Variants in HHLA1 observed in about 807,000 individuals in gnomAD.
HHLA1 encodes the protein HERV-H LTR-associating protein 1.
A neutral mutation model predicts 69.9 loss-of-function variants in HHLA1; 72 were observed. The observed-to-expected ratio is 1.03, with a 90% confidence interval of 0.85 to 1.25. The LOEUF (loss-of-function observed/expected upper bound fraction) is 1.25. Among genes scored for constraint, HHLA1 ranks in the 50% most tolerant of loss-of-function variants. The probability of loss-of-function intolerance (pLI) is 0.00; values close to 1 mark genes in which losing one functional copy is unlikely to be tolerated. For missense variants in HHLA1, 685 were observed against 642.2 expected (o/e 1.07, Z -0.72); for synonymous variants, 252 against 233.2 (o/e 1.08, Z -0.73).
intron 3 of HHLA1, chr8:132,101,092 A>C: frequency 4.4e-6 from 6 of 1,370,844 alleles, no homozygotes; most frequent in Non-Finnish European, 4.8e-6. Flanking sequence ...AAAAATGACC[A>C]TTGCAACAAT....
At chr8:132,110,254 C>T (rs10505586) in intron 1 of HHLA1, among the ~76,000 whole-genome samples, 21,895 of 152,158 alleles carry the variant, frequency 0.14, 1,726 homozygotes, top group East Asian at 0.17. Flanking sequence ...TGAGGCATTA[C>T]GACGGTCCGT....
chr8:132,093,092 A>G (rs1192944914), intron 7 of HHLA1, among the ~76,000 whole-genome samples: 1 of 152,244 alleles, frequency 6.6e-6, no homozygotes, highest in African/African-American at 2.4e-5. Context: ...CTATATGTAG[A>G]GCAGGATGTC....
chr8:132,107,937 C>A (rs1293385807), intron 1 of HHLA1, among the ~76,000 whole-genome samples: 1 of 152,190 alleles, frequency 6.6e-6, no homozygotes, highest in East Asian at 1.9e-4. Flanking sequence ...AAGTCTGGAC[C>A]ACTCTGGGAC....
At chr8:132,093,459 A>C (rs1205998475) in intron 7 of HHLA1, among the ~76,000 whole-genome samples, 4 of 152,230 alleles carry the variant, frequency 2.6e-5, no homozygotes, top group Non-Finnish European at 4.4e-5. Flanking sequence ...AAAATGATCC[A>C]GATCTAAAGA....
chr8:132,110,794 T>G (rs2403735), intron 1 of HHLA1, among the ~76,000 whole-genome samples: 119,660 of 152,168 alleles, frequency 0.79, 47,766 homozygotes, highest in Middle Eastern at 0.94. Context: ...GGCTTTGGAT[T>G]AAAGATTATG....
chr8:132,077,575 A>G, intron 12 of HHLA1, 151 bp downstream of exon 12: 1 of 768,930 alleles, frequency 1.3e-6, no homozygotes, highest in East Asian at 2.7e-5. Context: ...AGGGCAAAGG[A>G]AAGGAGAAGG....
chr8:132,069,115 A>C (rs1823487775), intron 15 of HHLA1, among the ~76,000 whole-genome samples: 1 of 152,118 alleles, frequency 6.6e-6, no homozygotes, highest in Admixed American at 6.5e-5. Flanking sequence ...CATGCCAGAG[A>C]CTTGGTCTCC....
chr8:132,086,573 T>C (rs75030791), intron 10 of HHLA1, among the ~76,000 whole-genome samples: 2 of 152,332 alleles, frequency 1.3e-5, no homozygotes, highest in African/African-American at 2.4e-5. Context: ...GCATTTGTTC[T>C]TGTTGAAGGA....
chr8:132,063,835 G>GA lies in HHLA1; in HGVS notation c.*159dup, dbSNP rs1027505209. 29 of 265,262 alleles carry GA rather than the reference G, an allele frequency of 1.1e-4. No homozygotes were observed. The highest frequency in any genetic ancestry group is 3.0e-4 in the Admixed American group (7 of 23,674). 16.4% of individuals were successfully genotyped at this position (265,262 alleles called of 1,614,324 possible). A position where few individuals can be genotyped will look rare whatever the true frequency, so the allele number is the denominator to read the frequency against. Reference sequence around the variant, plus strand: ...GTTTTGCACAGATTCACAGGAGAGGGAAAAAAAATGCTACTTCCAAGAATA... The same window carrying GA: ...GTTTTGCACAGATTCACAGGAGAGGGAAAAAAAAATGCTACTTCCAAGAATA... On this transcript the variant is annotated 3_prime_UTR_variant, in exon 17 of 17. Transcript: ENST00000414222.
rs372608451 is a variant in HHLA1 at position 132,065,890 on chromosome 8, C to T, written c.1548G>A (p.Ser516=). The T allele has an allele frequency of 1.2e-5, 15 of 1,294,320 alleles. No individual in the cohort carries two copies. In the South Asian group the frequency reaches 1.2e-4, roughly 11 times the overall value. 80.2% of individuals were successfully genotyped at this position (1,294,320 alleles called of 1,614,324 possible). A position where few individuals can be genotyped will look rare whatever the true frequency, so the allele number is the denominator to read the frequency against. The change falls in exon 16 of 17, where the codon TCG becomes TCA. Residue 516 remains serine (S), a synonymous_variant. Transcript: ENST00000414222. Reference sequence around the variant, plus strand: ...ATAGTCAAGCTGTGTACTTACTGTGCGAGTGGGACACCCTTTTCACCCTCT... The same window carrying T: ...ATAGTCAAGCTGTGTACTTACTGTGTGAGTGGGACACCCTTTTCACCCTCT... ...ICQRVKRVSH[S]HTLKQKCLEN... is the part of the protein sequence containing the mutation.
intron 14 of HHLA1, among the ~76,000 whole-genome samples, chr8:132,072,009 C>A (rs558682868): frequency 6.6e-6 from 1 of 151,926 alleles, no homozygotes; most frequent in East Asian, 1.9e-4. Context: ...TATGCACGTG[C>A]ATGTGTATGT....
intron 7 of HHLA1, among the ~76,000 whole-genome samples, chr8:132,089,909 C>G (rs545229356): frequency 1.3e-5 from 2 of 152,132 alleles, no homozygotes; most frequent in Non-Finnish European, 2.9e-5. Flanking sequence ...GTCTTTCTGG[C>G]GGCTTTTCCC....
chr8:132,090,854 G>T (rs2130891943), intron 7 of HHLA1, among the ~76,000 whole-genome samples: 1 of 150,692 alleles, frequency 6.6e-6, no homozygotes, highest in Admixed American at 6.6e-5. Flanking sequence ...CGCCTCCCAG[G>T]TTCACGCCAT....
intron 11 of HHLA1, 64 bp downstream of exon 11, chr8:132,079,654 T>C (rs1823705215): frequency 4.1e-6 from 6 of 1,459,576 alleles, no homozygotes; most frequent in Non-Finnish European, 5.4e-6. Context: ...CTTATATATG[T>C]GAGCCTAGAG....
intron 7 of HHLA1, among the ~76,000 whole-genome samples, chr8:132,090,340 G>A (rs1823927847): frequency 6.6e-6 from 1 of 152,124 alleles, no homozygotes; most frequent in African/African-American, 2.4e-5. Context: ...GGCTTTCCAC[G>A]ATCCAGCAAA....
chr8:132,080,780 G>A (rs1352978125), intron 10 of HHLA1: 4 of 152,280 alleles, frequency 2.6e-5, no homozygotes, highest in African/African-American at 9.7e-5. Flanking sequence ...AGAGAGAATG[G>A]GCGATGTTTC....
At chr8:132,108,099 C>A (rs1407595489) in intron 1 of HHLA1, among the ~76,000 whole-genome samples, 1 of 152,100 alleles carries the variant, frequency 6.6e-6, no homozygotes, top group East Asian at 1.9e-4. Context: ...AAGCACAGAC[C>A]CTGGAGTTGG....
chr8:132,095,483 G>A, intron 7 of HHLA1, 36 bp downstream of exon 7: 1 of 1,391,376 alleles, frequency 7.2e-7, no homozygotes, highest in Non-Finnish European at 9.9e-7. Flanking sequence ...AAGCAAAATT[G>A]GAAAAGCTGC....
chr8:132,101,151 C>A (rs1586735342), intron 3 of HHLA1: 1 of 1,519,690 alleles, frequency 6.6e-7, no homozygotes, highest in African/African-American at 1.4e-5. Flanking sequence ...TTTCATTTTG[C>A]AAATAGAAAA....
Sources: gnomAD v4.1 joint callset for allele counts (sites outside exome capture counted in the v4.1 genomes callset) on GRCh38, gnomAD v4.1.1 for gene constraint, MANE v1.5 for transcripts, NCBI Gene and HGNC (gene_info 2026-07-23, HGNC 2026-07-21) for gene names.